The following PPARGC1A variants were observed in gnomAD, a reference collection of about 807,000 sequenced individuals.
PPARGC1A encodes PPARG coactivator 1 alpha.
A neutral mutation model predicts 88.7 loss-of-function variants in PPARGC1A; 25 were observed. The observed-to-expected ratio is 0.28, with a 90% CI of 0.21 to 0.39. The LOEUF (loss-of-function observed/expected upper bound fraction) is 0.39, where lower values mean the gene tolerates loss of function less well. Ranked by LOEUF, PPARGC1A falls within the 10% of genes least tolerant of loss-of-function variation. PPARGC1A has a pLI of 1.00. For synonymous variants in PPARGC1A, 363 were observed against 355.6 expected (o/e 1.02, Z -0.24); for missense variants, 880 against 968.7 (o/e 0.91, Z 1.22).
At chr4:24,216,721 A>C in the PPARGC1A span, among the ~76,000 whole-genome samples, 11 of 152,216 alleles carry the variant, frequency 7.2e-5, no homozygotes, top group Non-Finnish European at 1.6e-4. Context: ...ATATACAAAC[A>C]AACCTTAATA....
chr4:24,345,233 T>C, the PPARGC1A span, among the ~76,000 whole-genome samples: 2 of 151,760 alleles, frequency 1.3e-5, no homozygotes, highest in Non-Finnish European at 2.9e-5. Context: ...GCTTCGGCTA[T>C]GTGGGTTCTC....
the PPARGC1A span, among the ~76,000 whole-genome samples, chr4:23,917,038 C>T: frequency 3.3e-5 from 5 of 152,148 alleles, no homozygotes; most frequent in South Asian, 2.1e-4. Context: ...TCTTGTTCCC[C>T]GCACATGCTA....
chr4:24,202,784 C>A, the PPARGC1A span, among the ~76,000 whole-genome samples: 3 of 152,142 alleles, frequency 2.0e-5, no homozygotes, highest in African/African-American at 4.8e-5. Flanking sequence ...TCAAGTGAGT[C>A]CAAGCGAGGT....
At chr4:24,162,835 C>T in the PPARGC1A span, among the ~76,000 whole-genome samples, 63 of 151,974 alleles carry the variant, frequency 4.1e-4, no homozygotes, top group African/African-American at 1.4e-3. Flanking sequence ...CTCAGGTGAT[C>T]CACCCAACTC....
At chr4:23,821,425 T>A (rs1722992870) in intron 7 of PPARGC1A, among the ~76,000 whole-genome samples, 1 of 151,878 alleles carries the variant, frequency 6.6e-6, no homozygotes, top group South Asian at 2.1e-4. Context: ...TTTGGTAAAT[T>A]CCATACCTAC....
chr4:24,281,124 G>A, the PPARGC1A span, among the ~76,000 whole-genome samples: 1 of 152,198 alleles, frequency 6.6e-6, no homozygotes, highest in Non-Finnish European at 1.5e-5. Context: ...GCATATACAT[G>A]ACTTACAGCT....
the PPARGC1A span, among the ~76,000 whole-genome samples, chr4:24,028,327 G>A: frequency 6.6e-6 from 1 of 152,168 alleles, no homozygotes; most frequent in Admixed American, 6.5e-5. Flanking sequence ...TTGACATGTG[G>A]AATATTAACT....
the PPARGC1A span, among the ~76,000 whole-genome samples, chr4:24,331,377 T>G: frequency 5.3e-5 from 8 of 152,240 alleles, no homozygotes; most frequent in African/African-American, 1.9e-4. Context: ...CCACCCTGTC[T>G]AAAGGAGCCA....
chr4:24,443,426 T>C, the PPARGC1A span, among the ~76,000 whole-genome samples: 1 of 151,938 alleles, frequency 6.6e-6, no homozygotes, highest in Non-Finnish European at 1.5e-5. Flanking sequence ...GAAGGGAGAA[T>C]GTGGAAACAT....
the PPARGC1A span, among the ~76,000 whole-genome samples, chr4:24,159,858 A>C: frequency 2.2e-3 from 338 of 152,310 alleles, no homozygotes; most frequent in African/African-American, 7.9e-3. Flanking sequence ...CCCCTATCAA[A>C]GGCAGCAAAT....
chr4:23,812,429 CTGTGATCAGAAAGAACAAA>C, intron 10 of PPARGC1A, among the ~76,000 whole-genome samples: 1 of 152,160 alleles, frequency 6.6e-6, no homozygotes, highest in Middle Eastern at 3.4e-3. Flanking sequence ...AAAACTTATC[CTGTGATCAGAAAGAACAAA>C]TATCTGACTG....
chr4:23,889,776 T>C (rs901016992), intron 1 of PPARGC1A, 128 bp downstream of exon 1: 58 of 1,121,152 alleles, frequency 5.2e-5, no homozygotes, highest in Non-Finnish European at 6.9e-5. Context: ...GAGATTCTTC[T>C]AAAAGCTCCT....
chr4:24,417,697 A>C, the PPARGC1A span, among the ~76,000 whole-genome samples: 1 of 152,256 alleles, frequency 6.6e-6, no homozygotes, highest in East Asian at 1.9e-4. Flanking sequence ...AAAGGTTACA[A>C]TGTAGAAATA....
At chr4:24,287,591 C>A in the PPARGC1A span, among the ~76,000 whole-genome samples, 6 of 151,026 alleles carry the variant, frequency 4.0e-5, no homozygotes, top group African/African-American at 7.3e-5. Flanking sequence ...GATACAGAAC[C>A]AAGAGCTCCC....
At position 23,810,064 on chromosome 4, in the gene PPARGC1A, C is replaced by T. The variant is rs573374496; in HGVS notation, c.2019+2683G>A. Among the ~76,000 whole-genome samples the T allele has an allele frequency of 6.4e-4, 97 of 152,116 alleles. 1 individual carries two copies. The highest frequency in any genetic ancestry group is 8.2e-4 in the Non-Finnish European group (56 of 68,030). Reference sequence around the variant, plus strand: ...CTAATTTTATATCCCAACCAAATGGCAAATATTTATTACAGAAAGAGCTAT... The same window carrying T: ...CTAATTTTATATCCCAACCAAATGGTAAATATTTATTACAGAAAGAGCTAT... On this transcript the variant is annotated intron_variant, in intron 10 of 12. Coordinates refer to ENST00000264867, the MANE Select transcript of PPARGC1A (RefSeq NM_013261.5).
the PPARGC1A span, among the ~76,000 whole-genome samples, chr4:24,325,231 C>T: frequency 2.0e-5 from 3 of 152,158 alleles, no homozygotes; most frequent in Non-Finnish European, 2.9e-5. Flanking sequence ...ATCTTATTCT[C>T]AATATACATT....
the PPARGC1A span, among the ~76,000 whole-genome samples, chr4:24,052,854 ATT>A: frequency 0.013 from 845 of 65,544 alleles, 4 homozygotes; most frequent in African/African-American, 0.055. Context: ...GCGTACGCAG[ATT>A]TTTTTTTTTT....
At chr4:24,432,488 A>AT in the PPARGC1A span, among the ~76,000 whole-genome samples, 3 of 152,322 alleles carry the variant, frequency 2.0e-5, no homozygotes, top group Non-Finnish European at 4.4e-5. Flanking sequence ...CTGACTTCAT[A>AT]TGGTGTCAAT....
chr4:23,806,729 T>A (rs915537802), intron 10 of PPARGC1A, among the ~76,000 whole-genome samples: 4 of 152,198 alleles, frequency 2.6e-5, no homozygotes, highest in Non-Finnish European at 4.4e-5. Flanking sequence ...AGAAACTGAC[T>A]GAATTAACTG....
Sources: allele counts gnomAD v4.1 joint callset (sites outside exome capture counted in the v4.1 genomes callset), GRCh38; gene constraint gnomAD v4.1.1; transcripts MANE v1.5; gene names NCBI Gene and HGNC (gene_info 2026-07-23, HGNC 2026-07-21).